Variants in TP63 observed in about 807,000 individuals in gnomAD.
The protein encoded by TP63 is tumor protein 63.
A neutral mutation model predicts 82.8 loss-of-function variants in TP63; 17 were observed. That is an observed-to-expected ratio of 0.21 (90% confidence interval 0.14 to 0.31). The LOEUF (loss-of-function observed/expected upper bound fraction) is 0.31, where lower values mean the gene tolerates loss of function less well. TP63 is among the 10% of genes least tolerant of loss of function. The probability of loss-of-function intolerance (pLI) is 1.00; values close to 1 mark genes in which losing one functional copy is unlikely to be tolerated. For missense variants in TP63, 648 were observed against 895.3 expected, an observed-to-expected ratio of 0.72 and a Z score of 3.52; for synonymous variants, 330 against 321.7, an observed-to-expected ratio of 1.03 and a Z score of -0.28.
At chr3:189,859,092 A>G (rs1339475317) in intron 4 of TP63, among the ~76,000 whole-genome samples, 2 of 152,188 alleles carry the variant, frequency 1.3e-5, no homozygotes, top group Non-Finnish European at 2.9e-5. Context: ...TGTATTGCAT[A>G]TTTCAAAATA....
rs1358077403 is a variant in TP63 at position 189,858,385 on chromosome 3, G to A, written c.580-5847G>A. 2.9e-4 allele frequency among the ~76,000 whole-genome samples: 3 copies of A among 10,180 alleles called. 1 individual carries two copies. The highest frequency in any genetic ancestry group is 1.4e-3 in the Admixed American group (2 of 1,438). The allele number at this position is 10,180 out of a possible 152,430, so 6.7% of individuals were successfully genotyped here. ...TGCGCCACTGCACTCCAGCCTGGGC[G>A]ACAGCGAGACTCCGTCTCAAAAAAA... On this transcript the variant is annotated intron_variant, in intron 4 of 13. Coordinates refer to ENST00000264731, the MANE Select transcript of TP63 (RefSeq NM_003722.5).
chr3:189,750,575 CACATATATCCCATGA>C (rs142273768), intron 3 of TP63, among the ~76,000 whole-genome samples: 27,086 of 151,956 alleles, frequency 0.18, 2,831 homozygotes, highest in Middle Eastern at 0.26. Context: ...AACAAAATAG[CACATATATCCCATGA>C]ACATGTAAAA....
chr3:189,828,496 G>C (rs1711791607), intron 4 of TP63, among the ~76,000 whole-genome samples: 1 of 152,108 alleles, frequency 6.6e-6, no homozygotes, highest in Admixed American at 6.5e-5. Flanking sequence ...GGGCCTTTTT[G>C]GTGCCATGCT....
chr3:189,814,223 C>T (rs956862651), intron 4 of TP63, among the ~76,000 whole-genome samples: 1 of 152,204 alleles, frequency 6.6e-6, no homozygotes, highest in South Asian at 2.1e-4. Flanking sequence ...CAGCCAATTG[C>T]GTGGCCCTCT....
chr3:189,647,857 G>C (rs542239555), intron 1 of TP63, among the ~76,000 whole-genome samples: 1 of 146,916 alleles, frequency 6.8e-6, no homozygotes, highest in Non-Finnish European at 1.5e-5. Context: ...AAAAGTATGC[G>C]TACATTTTAA....
chr3:189,813,486 C>G (rs760459751), intron 4 of TP63, among the ~76,000 whole-genome samples: 1 of 152,052 alleles, frequency 6.6e-6, no homozygotes, highest in Non-Finnish European at 1.5e-5. Flanking sequence ...ATAGTTCAGT[C>G]TGTCTTGATT....
intron 4 of TP63, among the ~76,000 whole-genome samples, chr3:189,835,955 A>G (rs78409991): frequency 2.9e-4 from 32 of 110,260 alleles, no homozygotes; most frequent in African/African-American, 9.2e-4. Context: ...TAATAATAAT[A>G]ATAATAATAA....
chr3:189,682,596 C>T (rs1716077659), intron 1 of TP63, among the ~76,000 whole-genome samples: 1 of 133,664 alleles, frequency 7.5e-6, no homozygotes, highest in African/African-American at 3.0e-5. Context: ...ATATATATAT[C>T]CTATTCACAA....
intron 3 of TP63, among the ~76,000 whole-genome samples, chr3:189,751,849 CT>C (rs1204217364): frequency 6.6e-6 from 1 of 152,092 alleles, no homozygotes; most frequent in African/African-American, 2.4e-5. Context: ...TCAATTTTGG[CT>C]TTTGTTGCCA....
At chr3:189,616,647 C>T in the TP63 span, among the ~76,000 whole-genome samples, 9 of 152,276 alleles carry the variant, frequency 5.9e-5, no homozygotes, top group South Asian at 1.9e-3. Context: ...AATCTGGGCA[C>T]ATCATTTTCG....
the TP63 span, among the ~76,000 whole-genome samples, chr3:189,602,099 A>T: frequency 6.6e-6 from 1 of 152,062 alleles, no homozygotes; most frequent in Non-Finnish European, 1.5e-5. Flanking sequence ...ATACCTTTAA[A>T]CTCTCTACAT....
At chr3:189,737,579 G>A (rs1720687389) in intron 1 of TP63, among the ~76,000 whole-genome samples, 161 bp from the exon 2 acceptor site, 1 of 152,146 alleles carries the variant, frequency 6.6e-6, no homozygotes. Context: ...TACACTACCT[G>A]AAGAAATGCC....
At chr3:189,778,387 T>G (rs1723982180) in intron 3 of TP63, among the ~76,000 whole-genome samples, 1 of 152,220 alleles carries the variant, frequency 6.6e-6, no homozygotes, top group African/African-American at 2.4e-5. Flanking sequence ...TCAGCTATTA[T>G]TTACTTTAGC....
chr3:189,739,322 G>A (rs1720814289), intron 3 of TP63, among the ~76,000 whole-genome samples: 1 of 152,068 alleles, frequency 6.6e-6, no homozygotes, highest in Non-Finnish European at 1.5e-5. Context: ...CGCCATGTTG[G>A]CCAAGCTGGT....
intron 2 of TP63, 91 bp from the exon 3 acceptor site, chr3:189,738,551 T>A (rs1344963036): frequency 1.3e-6 from 2 of 1,595,158 alleles, no homozygotes; most frequent in African/African-American, 2.7e-5. Flanking sequence ...TTGCTGACTT[T>A]GAAGCAGAAA....
intron 3 of TP63, among the ~76,000 whole-genome samples, chr3:189,741,241 A>G (rs1334328794): frequency 2.0e-5 from 3 of 151,528 alleles, no homozygotes. Context: ...CTAACAACGT[A>G]GAAATCCTGG....
intron 1 of TP63, among the ~76,000 whole-genome samples, chr3:189,644,001 C>A (rs1712167979): frequency 6.6e-6 from 1 of 152,178 alleles, no homozygotes; most frequent in Non-Finnish European, 1.5e-5. Flanking sequence ...ACTGTGGCAT[C>A]TCATCTGCCA....
the TP63 span, among the ~76,000 whole-genome samples, chr3:189,596,938 C>G: frequency 8.5e-5 from 13 of 152,122 alleles, no homozygotes; most frequent in South Asian, 2.7e-3. Flanking sequence ...CAACTCCAGA[C>G]GCACCGCCTT....
intron 3 of TP63, among the ~76,000 whole-genome samples, chr3:189,780,633 C>T (rs1724157456): frequency 6.6e-6 from 1 of 152,196 alleles, no homozygotes; most frequent in African/African-American, 2.4e-5. Flanking sequence ...AGATCTCCTA[C>T]ACCCCACACT....
Sources: allele counts gnomAD v4.1 joint callset (sites outside exome capture counted in the v4.1 genomes callset), GRCh38; gene constraint gnomAD v4.1.1; transcripts MANE v1.5; gene names NCBI Gene and HGNC (gene_info 2026-07-23, HGNC 2026-07-21).